Variants in RIOK1 observed in about 807,000 individuals in gnomAD.
RIOK1 encodes the protein RIO kinase 1.
RIOK1 carries 66 observed loss-of-function variants against 73.5 expected under a neutral mutation model. The ratio of observed to expected loss-of-function variants is 0.90; its 90% CI spans 0.74 to 1.10. The LOEUF is 1.10. Among genes scored for constraint, RIOK1 ranks in the 50% least tolerant of loss-of-function variants. The pLI is 0.00. For missense variants in RIOK1, 658 were observed against 699.8 expected, an observed-to-expected ratio of 0.94 and a Z score of 0.67; for synonymous variants, 224 against 226.8, an observed-to-expected ratio of 0.99 and a Z score of 0.11.
chr6:7,401,060 T>C lies in RIOK1; in HGVS notation c.573+10T>C, dbSNP rs1207247767. On this transcript the variant is annotated intron_variant, in intron 6 of 16. Coordinates refer to ENST00000379834, the MANE Select transcript of RIOK1 (RefSeq NM_031480.3). ...TAGCACAGGAAAAGAAGTGAGCTCT[T>C]CTTTGGATGATTGGATATTTAATTT... 3.3e-6 allele frequency: 5 copies of C among 1,525,906 alleles called. No individual in the cohort carries two copies. In the African/African-American group the frequency reaches 7.1e-5, roughly 22 times the overall value. 94.5% of individuals were successfully genotyped at this position (1,525,906 alleles called of 1,614,324 possible).
At chr6:7,409,348 G>A (rs1581721346) in intron 12 of RIOK1, among the ~76,000 whole-genome samples, 1 of 151,548 alleles carries the variant, frequency 6.6e-6, no homozygotes, top group African/African-American at 2.4e-5. Context: ...TCTGCCTCCC[G>A]GGTTCAAGTG....
rs116572021 is a variant in RIOK1 at position 7,391,644 on chromosome 6, G to A, written c.72-1455G>A. On this transcript the variant is annotated intron_variant, in intron 1 of 16. Transcript: ENST00000379834. ...CCATTGGGGAAGATGTTGCCATCCC[G>A]ACTTCTACCCAGGGGACTTTTGGCA... Among the ~76,000 whole-genome samples the A allele has an allele frequency of 3.0e-3, 454 of 152,290 alleles. 3 individuals are homozygous for A. The highest frequency in any genetic ancestry group is 8.0e-3 in the Admixed American group (122 of 15,298).
Position 7,405,043 on chromosome 6 carries a change from C to A in RIOK1, c.1096+22C>A. ...AATGGTGAGTAGAAACGGCAATTTT[C>A]GAAACAGCTCATTGGTCTGTTTTGG... On this transcript the variant is annotated intron_variant, in intron 11 of 16. Coordinates refer to ENST00000379834, the MANE Select transcript of RIOK1 (RefSeq NM_031480.3). 3.2e-6 allele frequency: 5 copies of A among 1,576,730 alleles called. No individual in the cohort carries two copies. The South Asian group carries it at 5.6e-5, about 18-fold the overall frequency.
At chr6:7,408,490 A>C (rs114282939) in intron 12 of RIOK1, among the ~76,000 whole-genome samples, 1 of 152,190 alleles carries the variant, frequency 6.6e-6, no homozygotes. Context: ...AATTGTTTTC[A>C]TAGGTGTAGT....
Position 7,412,962 on chromosome 6 carries a change from C to T in RIOK1, c.1443+20C>T, listed in dbSNP as rs1401644617. 2 of 1,485,330 alleles carry T rather than the reference C, an allele frequency of 1.3e-6. No homozygotes were observed. The highest frequency in any genetic ancestry group is 1.3e-5 in the South Asian group (1 of 76,794). The allele number at this position is 1,485,330 out of a possible 1,614,324, so 92.0% of individuals were successfully genotyped here. A position where few individuals can be genotyped will look rare whatever the true frequency, so the allele number is the denominator to read the frequency against. ...CAGAAGGTATGAAGAACATGTGTTACTGTTTGTTTATGTGAAAACAGTTTT... is the reference window on the plus strand; with the variant it reads ...CAGAAGGTATGAAGAACATGTGTTATTGTTTGTTTATGTGAAAACAGTTTT... On this transcript the variant is annotated intron_variant, in intron 15 of 16. Transcript: ENST00000379834.
rs150425917 is a variant in RIOK1 at position 7,396,892 on chromosome 6, G to GGTGTGTGTGTGTGTGTGT, written c.437+131_437+148dup. ...GTATACTTAAACCAATCATTATTTTGGTGTGTGTGTGTGTGTGTGTGTGTG... is the reference window on the plus strand; with the variant it reads ...GTATACTTAAACCAATCATTATTTTGGTGTGTGTGTGTGTGTGTGTGTGTGTGTGTGTGTGTGTGTGTG... On this transcript the variant is annotated intron_variant, in intron 4 of 16. Transcript: ENST00000379834. The GGTGTGTGTGTGTGTGTGT allele has an allele frequency of 1.5e-3, 636 of 416,528 alleles. 8 individuals are homozygous for GGTGTGTGTGTGTGTGTGT. The highest frequency in any genetic ancestry group is 0.011 in the African/African-American group (518 of 48,782). The allele number at this position is 416,528 out of a possible 1,614,324, so 25.8% of individuals were successfully genotyped here.
intron 12 of RIOK1, among the ~76,000 whole-genome samples, chr6:7,409,224 TG>T (rs1333253300): frequency 5.0e-5 from 6 of 119,718 alleles, no homozygotes; most frequent in Non-Finnish European, 6.9e-5. Flanking sequence ...TGTGTGTGTG[TG>T]TGTGTGTGTG....
chr6:7,393,037 G>C (rs1354670637), intron 1 of RIOK1, 62 bp from the exon 2 acceptor site: 1 of 1,468,932 alleles, frequency 6.8e-7, no homozygotes, highest in Non-Finnish European at 9.4e-7. Context: ...TCATAAATAT[G>C]TGAGATCAGT....
At chr6:7,404,845 A>G in intron 10 of RIOK1, 73 bp from the exon 11 acceptor site, 1 of 1,266,296 alleles carries the variant, frequency 7.9e-7, no homozygotes. Context: ...TGCTTTTAAG[A>G]GTAGAATTTA....
chr6:7,417,388 A>G lies in RIOK1; in HGVS notation c.1654A>G (p.Lys552Glu), dbSNP rs139406244. 18 of 1,569,936 alleles carry G rather than the reference A, an allele frequency of 1.1e-5. No homozygotes were observed. The highest frequency in any genetic ancestry group is 1.6e-5 in the Non-Finnish European group (18 of 1,157,102). Residue 552 changes from lysine (K) to glutamate (E), a missense_variant, in exon 17 of 17, where the codon AAA becomes GAA. Coordinates refer to ENST00000379834, the MANE Select transcript of RIOK1 (RefSeq NM_031480.3). The part of the protein sequence containing the change: ...QREKRKNKIP[K>E]HVKKRKEKTA... ...AGAGAAAAGAAAAAACAAAATTCCT[A>G]AACATGTGAAAAAAAGAAAGGAGAA...
rs1346108552 is a variant in RIOK1, at chr6:7,402,820, T to C, written c.690T>C (p.Phe230=). Reference sequence around the variant, plus strand: ...ATAAACATTTTTCTTATTCAAGATTTCGTCATGGCTATTGTAAAGGAAACC... The same window carrying C: ...ATAAACATTTTTCTTATTCAAGATTCCGTCATGGCTATTGTAAAGGAAACC... The part of the protein sequence containing the change: ...RDKYVSGEFR[F]RHGYCKGNPR... The change falls in exon 8 of 17, where the codon TTT becomes TTC. Residue 230 remains phenylalanine, a synonymous_variant. Coordinates refer to ENST00000379834, the MANE Select transcript of RIOK1 (RefSeq NM_031480.3). The C allele has an allele frequency of 6.2e-7, 1 of 1,611,428 alleles. No homozygotes were observed. Among genetic ancestry groups the C allele is most frequent in the Non-Finnish European group, 8.5e-7 (1 of 1,178,640 alleles).
chr6:7,393,001 A>C, intron 1 of RIOK1, 98 bp from the exon 2 acceptor site: 1 of 1,329,152 alleles, frequency 7.5e-7, no homozygotes. Context: ...AATCTTTTAG[A>C]TTTATCAATA....
intron 7 of RIOK1, 24 bp downstream of exon 7, chr6:7,402,739 G>A (rs757991314): frequency 5.0e-5 from 80 of 1,605,544 alleles, no homozygotes; most frequent in Non-Finnish European, 5.1e-6. Context: ...TTTCCCTCCA[G>A]TTGGTTTAAT....
At chr6:7,405,964 CTTTTCTTTCT>C (rs1761735577) in intron 12 of RIOK1, among the ~76,000 whole-genome samples, 1 of 150,542 alleles carries the variant, frequency 6.6e-6, no homozygotes, top group African/African-American at 2.4e-5. Flanking sequence ...CTCTTTTTTT[CTTTTCTTTCT>C]TTTTCTTTTT....
In RIOK1 at chr6:7,393,252, A is replaced by T. The variant is rs764336699; in HGVS notation, c.225A>T (p.Gly75=). Residue 75 remains glycine (G), a synonymous_variant, in exon 2 of 17, where the codon GGA becomes GGT. Transcript: ENST00000379834. Reference sequence around the variant, plus strand: ...ATGATGACTGGGACTGGGATGAAGGAGTTGGAAAACTCGCCAAGGGTTATG... The same window carrying T: ...ATGATGACTGGGACTGGGATGAAGGTGTTGGAAAACTCGCCAAGGGTTATG... The part of the protein sequence containing the change: ...DDDDDWDWDE[G]VGKLAKGYVW... The T allele has an allele frequency of 2.0e-5, 33 of 1,613,962 alleles. No homozygotes were observed. Among genetic ancestry groups the T allele is most frequent in the Non-Finnish European group, 2.7e-5 (32 of 1,179,982 alleles).
chr6:7,405,138 C>T, intron 11 of RIOK1, 111 bp from the exon 12 acceptor site: 1 of 1,052,908 alleles, frequency 9.5e-7, no homozygotes, highest in Non-Finnish European at 1.4e-6. Flanking sequence ...ATGCTTAAAC[C>T]ATTTGCTGGG....
In RIOK1 at chr6:7,397,792, T is replaced by A. The variant is rs138673010; in HGVS notation, c.438-906T>A. Among the ~76,000 whole-genome samples the A allele has an allele frequency of 1.4e-4, 21 of 152,324 alleles. No individual in the cohort carries two copies. The East Asian group carries it at 3.5e-3, about 25-fold the overall frequency. On this transcript the variant is annotated intron_variant, in intron 4 of 16. Coordinates refer to ENST00000379834, the MANE Select transcript of RIOK1 (RefSeq NM_031480.3). ...TAGTGTGCTAGGTGGAGTCACTCAG[T>A]GTATAAGCAGAAGCAAATCAGAGTC...
At chr6:7,413,419 ACATTTT>A (rs1761931924) in intron 15 of RIOK1, among the ~76,000 whole-genome samples, 2 of 152,228 alleles carry the variant, frequency 1.3e-5, no homozygotes, top group Non-Finnish European at 2.9e-5. Context: ...GTTTTGTTTT[ACATTTT>A]AGAAGGGCAG....
At chr6:7,397,006 G>A (rs1051198788) in intron 4 of RIOK1, among the ~76,000 whole-genome samples, 5 of 152,082 alleles carry the variant, frequency 3.3e-5, no homozygotes, top group African/African-American at 7.2e-5. Flanking sequence ...GCTCATGCCT[G>A]TAATCCCATC....
Sources: gnomAD v4.1 joint callset for allele counts (sites outside exome capture counted in the v4.1 genomes callset) on GRCh38, gnomAD v4.1.1 for gene constraint, MANE v1.5 for transcripts, NCBI Gene and HGNC (gene_info 2026-07-23, HGNC 2026-07-21) for gene names.